The following LGALSL variants were observed in gnomAD, a reference collection of about 807,000 sequenced individuals.
LGALSL encodes the protein galectin like.
A neutral mutation model predicts 19.5 loss-of-function variants in LGALSL; 13 were observed. The observed-to-expected ratio is 0.67, with a 90% confidence interval of 0.43 to 1.06. The LOEUF (loss-of-function observed/expected upper bound fraction) is 1.06, where lower values mean the gene tolerates loss of function less well. Among genes scored for constraint, LGALSL ranks in the 50% least tolerant of loss-of-function variants. LGALSL has a pLI of 0.00. For synonymous variants in LGALSL, 86 were observed against 78.3 expected (o/e 1.10, Z -0.52); for missense variants, 189 against 219.3 (o/e 0.86, Z 0.87).
Position 64,454,606 on chromosome 2 carries a change from G to T in LGALSL, c.36+25G>T. On this transcript the variant is annotated intron_variant, in intron 1 of 4. Transcript: ENST00000238875. This position sits in a 1 kb window ranked among gnomAD's most constrained non-coding sequence, Gnocchi z 5.1. ...GGTGAGTGTGGCAGGGCGCGCGCGAGGCGCCCCTCCCCGCCGTCCCGCACT... is the reference window on the plus strand; with the variant it reads ...GGTGAGTGTGGCAGGGCGCGCGCGATGCGCCCCTCCCCGCCGTCCCGCACT... The T allele has an allele frequency of 7.2e-7, 1 of 1,387,270 alleles. No individual in the cohort carries two copies. Among genetic ancestry groups the T allele is most frequent in the South Asian group, 1.6e-5 (1 of 63,802 alleles). 85.9% of individuals were successfully genotyped at this position (1,387,270 alleles called of 1,614,324 possible). A position where few individuals can be genotyped will look rare whatever the true frequency, so the allele number is the denominator to read the frequency against.
In LGALSL at chr2:64,461,176, A is replaced by G. The variant is rs1686819810; in HGVS notation, c.*2748A>G. 6.6e-6 allele frequency: 1 copy of G among 152,190 alleles called. No individual in the cohort carries two copies. The highest frequency in any genetic ancestry group is 6.5e-5 in the Admixed American group (1 of 15,284). The allele number at this position is 152,190 out of a possible 1,614,324, so 9.4% of individuals were successfully genotyped here. The stretch of plus-strand genomic sequence containing the variant: ...ATTTGTGTTAAAAAGAAAATACCCA[A>G]AAGGAAGGAGGGAGCCCTGTTTGCC... On this transcript the variant is annotated 3_prime_UTR_variant, in exon 5 of 5. Transcript: ENST00000238875.
chr2:64,458,148 G>C, intron 4 of LGALSL, 137 bp from the exon 5 acceptor site: 1 of 751,402 alleles, frequency 1.3e-6, no homozygotes, highest in Non-Finnish European at 2.2e-6. Flanking sequence ...GTTCTAACAA[G>C]CCCTCTGCAG....
chr2:64,456,762 A>T (rs760646523), intron 4 of LGALSL, among the ~76,000 whole-genome samples: 1 of 152,190 alleles, frequency 6.6e-6, no homozygotes, highest in Non-Finnish European at 1.5e-5. Context: ...GTAGATACCT[A>T]CCCCCAAATA....
Position 64,458,594 on chromosome 2 carries a change from G to A in LGALSL, c.*166G>A, listed in dbSNP as rs1385273746. 3 of 597,796 alleles carry A rather than the reference G, an allele frequency of 5.0e-6. No homozygotes were observed. Among genetic ancestry groups the A allele is most frequent in the African/African-American group, 1.9e-5 (1 of 53,050 alleles). 37.0% of individuals were successfully genotyped at this position (597,796 alleles called of 1,614,324 possible). A position where few individuals can be genotyped will look rare whatever the true frequency, so the allele number is the denominator to read the frequency against. On this transcript the variant is annotated 3_prime_UTR_variant, in exon 5 of 5. Transcript: ENST00000238875. The stretch of plus-strand genomic sequence containing the variant: ...TTAAGAAGAAAGCTGTTGGGACAAA[G>A]ACACCGAGCCATTATACCCAGAATA...
chr2:64,458,304 A>C lies in LGALSL; in HGVS notation c.395A>C (p.His132Pro). 2 of 1,613,880 alleles carry C rather than the reference A, an allele frequency of 1.2e-6. No individual in the cohort carries two copies. The highest frequency in any genetic ancestry group is 1.7e-6 in the Non-Finnish European group (2 of 1,179,868). ...QPFRVEILCEHPRFRVFVDGH... is the reference protein window; with the variant it reads ...QPFRVEILCEPPRFRVFVDGH... ...TTCCAGGTGGAAATTCTTTGTGAGC[A>C]CCCACGTTTCCGAGTGTTTGTGGAT... The change falls in exon 5 of 5, where the codon CAC becomes CCC. Residue 132 changes from histidine (H) to proline (P), a missense_variant. His to Pro is a moderately conservative substitution (Grantham distance 77). This residue lies in a region of LGALSL where 106 missense variants were observed against 119.3 expected (regional missense o/e 0.89). Transcript: ENST00000238875.
intron 1 of LGALSL, 80 bp from the exon 2 acceptor site, chr2:64,455,264 C>T (rs1686715471): frequency 1.1e-6 from 1 of 902,120 alleles, no homozygotes; most frequent in Non-Finnish European, 1.9e-6. Context: ...TGCTGGATTC[C>T]ACCACATCTG....
At chr2:64,455,313 G>A (rs780849411) in intron 1 of LGALSL, 31 bp from the exon 2 acceptor site, 3 of 1,517,122 alleles carry the variant, frequency 2.0e-6, no homozygotes, top group African/African-American at 1.4e-5. Flanking sequence ...AAGAGCCCAT[G>A]GAAAGCCAAT....
At chr2:64,457,540 A>G (rs938856613) in intron 4 of LGALSL, among the ~76,000 whole-genome samples, 4 of 152,230 alleles carry the variant, frequency 2.6e-5, no homozygotes, top group African/African-American at 9.6e-5. Flanking sequence ...CTCAGTTAAA[A>G]GCTCCATGTT....
chr2:64,458,201 C>T (rs566924326), intron 4 of LGALSL, 84 bp from the exon 5 acceptor site: 2 of 1,282,894 alleles, frequency 1.6e-6, no homozygotes, highest in Admixed American at 1.8e-5. Context: ...GAAGATACTG[C>T]CTTTCTTTCT....
rs1686723338 is a variant in LGALSL at position 64,455,640 on chromosome 2, G to A, written c.160G>A (p.Val54Met). The A allele has an allele frequency of 6.2e-7, 1 of 1,613,930 alleles. No individual in the cohort carries two copies. Reference sequence around the variant, plus strand: ...AGGTGGCATGAGACCAGGCAAGAAGGTGTTAGTGATGGGCATCGTAGACCT... The same window carrying A: ...AGGTGGCATGAGACCAGGCAAGAAGATGTTAGTGATGGGCATCGTAGACCT... Reference protein sequence around the residue: ...IKGGMRPGKKVLVMGIVDLNP... With the variant: ...IKGGMRPGKKMLVMGIVDLNP... Residue 54 changes from valine (V) to methionine (M), a missense_variant, in exon 3 of 5, where the codon GTG becomes ATG. By Grantham distance (21) the Val-to-Met change is conservative (BLOSUM62 1). Transcript: ENST00000238875.
In LGALSL at chr2:64,458,519, A is replaced by G; in HGVS notation, c.*91A>G. 1 of 1,311,844 alleles carries G rather than the reference A, an allele frequency of 7.6e-7. No individual in the cohort carries two copies. Among genetic ancestry groups the G allele is most frequent in the Non-Finnish European group, 1.0e-6 (1 of 960,614 alleles). 81.3% of individuals were successfully genotyped at this position (1,311,844 alleles called of 1,614,324 possible). On this transcript the variant is annotated 3_prime_UTR_variant, in exon 5 of 5. Transcript: ENST00000238875. ...GTGTCCTAGCAAGATCTGGAGACTT[A>G]AAAAGAAAACAAAAACAAATGGCAA... is the stretch of plus-strand genomic sequence containing the variant.
chr2:64,455,482 T>C, intron 2 of LGALSL, 67 bp downstream of exon 2: 2 of 1,499,274 alleles, frequency 1.3e-6, no homozygotes, highest in Admixed American at 3.3e-5. Flanking sequence ...TAAAATTTTA[T>C]TCATTTGTTT....
chr2:64,455,485 A>G (rs1434825226), intron 2 of LGALSL, 70 bp downstream of exon 2: 8 of 1,511,746 alleles, frequency 5.3e-6, no homozygotes, highest in African/African-American at 4.1e-5. Context: ...AATTTTATTC[A>G]TTTGTTTATT....
rs1686706731 is a variant in LGALSL, at chr2:64,454,852, A to G, written c.36+271A>G. Among the ~76,000 whole-genome samples the G allele has an allele frequency of 6.7e-6, 1 of 150,218 alleles. No homozygotes were observed. Among genetic ancestry groups the G allele is most frequent in the African/African-American group, 2.5e-5 (1 of 40,712 alleles). ...CCCGACAGCCCCCTCTGTGCCGTGC[A>G]ACCGCCAGCCAGGTGTGCGCGTGGG... On this transcript the variant is annotated intron_variant, in intron 1 of 4. Coordinates refer to ENST00000238875, the MANE Select transcript of LGALSL (RefSeq NM_014181.3). This position sits in a 1 kb window ranked among gnomAD's most constrained non-coding sequence, Gnocchi z 5.1.
intron 2 of LGALSL, 38 bp downstream of exon 2, chr2:64,455,453 C>T (rs767448011): frequency 1.3e-6 from 2 of 1,549,552 alleles, no homozygotes; most frequent in Non-Finnish European, 8.9e-7. Context: ...CTGTACCTTC[C>T]TCCTTTCTCA....
intron 3 of LGALSL, 27 bp downstream of exon 3, chr2:64,455,704 A>G: frequency 1.3e-6 from 2 of 1,545,656 alleles, no homozygotes; most frequent in South Asian, 1.1e-5. Context: ...GTCAGGACAG[A>G]ACTATCAGGC....
At position 64,458,372 on chromosome 2, in the gene LGALSL, T is replaced by C; in HGVS notation, c.463T>C (p.Ser155Pro). The change falls in exon 5 of 5, where the codon TCT becomes CCT. Residue 155 changes from serine to proline, a missense_variant. Physicochemically the swap from Ser to Pro is moderately conservative, Grantham distance 74. Coordinates refer to ENST00000238875, the MANE Select transcript of LGALSL (RefSeq NM_014181.3). Reference protein sequence around the residue: ...FDFYHRIQTLSAIDTIKINGD... With the variant: ...FDFYHRIQTLPAIDTIKINGD... ...TTTTTACCATCGCATTCAAACGTTA[T>C]CTGCAATTGACACCATAAAGATAAA... 1 of 1,614,052 alleles carries C rather than the reference T, an allele frequency of 6.2e-7. No homozygotes were observed. Among genetic ancestry groups the C allele is most frequent in the African/African-American group, 1.3e-5 (1 of 75,070 alleles).
rs926718158 is a variant in LGALSL, at chr2:64,454,822, G to A, written c.36+241G>A. ...GGAGTTTGGGGAGGATGGCGGGTAG[G>A]GACGCCCGACAGCCCCCTCTGTGCC... On this transcript the variant is annotated intron_variant, in intron 1 of 4. Transcript: ENST00000238875. This position sits in a 1 kb window ranked among gnomAD's most constrained non-coding sequence, Gnocchi z 5.1. 1.3e-5 allele frequency among the ~76,000 whole-genome samples: 2 copies of A among 151,748 alleles called. No individual in the cohort carries two copies. Among genetic ancestry groups the A allele is most frequent in the African/African-American group, 4.8e-5 (2 of 41,332 alleles).
In LGALSL at chr2:64,461,238, G is replaced by A. The variant is rs1163112014; in HGVS notation, c.*2810G>A. 6.6e-6 allele frequency: 1 copy of A among 152,174 alleles called. No individual in the cohort carries two copies. The highest frequency in any genetic ancestry group is 1.5e-5 in the Non-Finnish European group (1 of 68,034). The allele number at this position is 152,174 out of a possible 1,614,324, so 9.4% of individuals were successfully genotyped here. A position where few individuals can be genotyped will look rare whatever the true frequency, so the allele number is the denominator to read the frequency against. On this transcript the variant is annotated 3_prime_UTR_variant, in exon 5 of 5. Coordinates refer to ENST00000238875, the MANE Select transcript of LGALSL (RefSeq NM_014181.3). ...GGCCTTGGCATTTTCTGGCATTAAT[G>A]TAGAAATAATGTTCCTATGATGACA...
Sources: allele counts gnomAD v4.1 joint callset (sites outside exome capture counted in the v4.1 genomes callset), GRCh38; gene constraint gnomAD v4.1.1; regional missense constraint gnomAD v4.1.1; non-coding constraint Gnocchi (gnomAD v3.1); transcripts MANE v1.5; gene names NCBI Gene and HGNC (gene_info 2026-07-23, HGNC 2026-07-21).